The following PHACTR1 variants were observed in gnomAD, a reference collection of about 807,000 sequenced individuals.
The protein encoded by PHACTR1 is phosphatase and actin regulator 1.
In PHACTR1, 16 loss-of-function variants were observed where a neutral mutation model predicts 69.2. That is an observed-to-expected ratio of 0.23 (90% CI 0.16 to 0.35). The LOEUF (loss-of-function observed/expected upper bound fraction) is 0.35. PHACTR1 is among the 10% of genes least tolerant of loss of function. The pLI is 1.00. For missense variants in PHACTR1, 510 were observed against 734.7 expected, an observed-to-expected ratio of 0.69 and a Z score of 3.54; for synonymous variants, 312 against 284.5, an observed-to-expected ratio of 1.10 and a Z score of -0.97.
At chr6:12,858,817 CA>C (rs1279332439) in intron 4 of PHACTR1, among the ~76,000 whole-genome samples, 1 of 151,864 alleles carries the variant, frequency 6.6e-6, no homozygotes, top group Non-Finnish European at 1.5e-5. Context: ...TACACACACA[CA>C]CACACACACC....
intron 4 of PHACTR1, among the ~76,000 whole-genome samples, chr6:12,999,135 G>C (rs1797784716): frequency 6.6e-6 from 1 of 152,182 alleles, no homozygotes; most frequent in African/African-American, 2.4e-5. Context: ...GTACAAAAGA[G>C]AATTGATTAG....
chr6:13,282,079 G>A (rs939547857), intron 12 of PHACTR1, among the ~76,000 whole-genome samples: 2 of 152,186 alleles, frequency 1.3e-5, no homozygotes, highest in African/African-American at 2.4e-5. Context: ...GAACATTCTC[G>A]CACTAGCCAC....
Position 12,762,290 on chromosome 6 carries a change from A to G in PHACTR1, c.250+12500A>G, listed in dbSNP as rs1181874949. Among the ~76,000 whole-genome samples, 4 of 152,214 alleles carry G rather than the reference A, an allele frequency of 2.6e-5. No individual in the cohort carries two copies. In the East Asian group the frequency reaches 5.8e-4, roughly 22 times the overall value. On this transcript the variant is annotated intron_variant, in intron 4 of 14. Coordinates refer to ENST00000332995, the MANE Select transcript of PHACTR1 (RefSeq NM_030948.6). ...TGAATTTTATTAATTAAAAAAAGCAACATGTTTCAGCCAATTGTCTGGGGC... is the reference window on the plus strand; with the variant it reads ...TGAATTTTATTAATTAAAAAAAGCAGCATGTTTCAGCCAATTGTCTGGGGC...
At chr6:13,207,311 A>T (rs975727293) in intron 8 of PHACTR1, among the ~76,000 whole-genome samples, 1 of 152,194 alleles carries the variant, frequency 6.6e-6, no homozygotes, top group African/African-American at 2.4e-5. Context: ...TTGGAGGGAA[A>T]CAAGAGGGCT....
At chr6:12,941,808 C>T (rs1033845355) in intron 4 of PHACTR1, among the ~76,000 whole-genome samples, 11 of 152,260 alleles carry the variant, frequency 7.2e-5, no homozygotes, top group South Asian at 2.1e-4. Context: ...ATGTTTGTAA[C>T]GCTGAAGGCT....
chr6:13,004,484 CGTT>C (rs1313510404), intron 4 of PHACTR1, among the ~76,000 whole-genome samples: 1 of 151,826 alleles, frequency 6.6e-6, no homozygotes, highest in Non-Finnish European at 1.5e-5. Flanking sequence ...TGTATTTTGT[CGTT>C]GTTATTGTTA....
In PHACTR1 at chr6:12,984,235, C is replaced by T. The variant is rs556110684; in HGVS notation, c.251-69130C>T. ...TGTTTCCTGACTTTTTAATGATCGC[C>T]ATTCTAACTGGTATGAGATGGTAAG... On this transcript the variant is annotated intron_variant, in intron 4 of 14. Transcript: ENST00000332995. Among the ~76,000 whole-genome samples, 64 of 152,306 alleles carry T rather than the reference C, an allele frequency of 4.2e-4. 2 individuals are homozygous for T. In the South Asian group the frequency reaches 0.013, roughly 31 times the overall value.
At chr6:12,854,774 C>G (rs966689537) in intron 4 of PHACTR1, among the ~76,000 whole-genome samples, 1 of 152,136 alleles carries the variant, frequency 6.6e-6, no homozygotes, top group Admixed American at 6.5e-5. Flanking sequence ...GACCAAGAAA[C>G]ATATGAAACA....
intron 5 of PHACTR1, among the ~76,000 whole-genome samples, chr6:13,115,681 A>C (rs1268439684): frequency 6.6e-6 from 1 of 152,142 alleles, no homozygotes. Context: ...CTTTAAACCC[A>C]GGCGTTTCCA....
At chr6:12,790,584 T>C (rs1371085110) in intron 4 of PHACTR1, among the ~76,000 whole-genome samples, 1 of 152,252 alleles carries the variant, frequency 6.6e-6, no homozygotes, top group Admixed American at 6.5e-5. Flanking sequence ...TTGTCTGTTT[T>C]GTTCAGTAAC....
chr6:13,093,776 G>C (rs1249843919), intron 5 of PHACTR1, among the ~76,000 whole-genome samples: 1 of 152,202 alleles, frequency 6.6e-6, no homozygotes, highest in South Asian at 2.1e-4. Context: ...CTAAACACTA[G>C]GAGTGAAAGT....
chr6:12,849,376 G>C (rs1779609857), intron 4 of PHACTR1, among the ~76,000 whole-genome samples: 1 of 152,152 alleles, frequency 6.6e-6, no homozygotes, highest in Admixed American at 6.5e-5. Flanking sequence ...AGGAAGAGAA[G>C]GTACCCTATG....
chr6:13,153,839 A>G (rs1237184109), intron 5 of PHACTR1, among the ~76,000 whole-genome samples: 1 of 152,190 alleles, frequency 6.6e-6, no homozygotes, highest in African/African-American at 2.4e-5. Flanking sequence ...TTTATATGCT[A>G]TATTTCTAAT....
intron 5 of PHACTR1, among the ~76,000 whole-genome samples, chr6:13,093,081 C>T (rs567179836): frequency 3.3e-5 from 5 of 152,184 alleles, no homozygotes; most frequent in Admixed American, 6.5e-5. Flanking sequence ...TCAGTCCAAG[C>T]GTGATTTGCA....
chr6:13,190,902 G>A (rs1446774635), intron 7 of PHACTR1, among the ~76,000 whole-genome samples: 1 of 152,096 alleles, frequency 6.6e-6, no homozygotes, highest in Non-Finnish European at 1.5e-5. Flanking sequence ...CATGACCTGT[G>A]TTATTTTCAG....
At chr6:12,845,534 T>C (rs1779177479) in intron 4 of PHACTR1, among the ~76,000 whole-genome samples, 1 of 150,598 alleles carries the variant, frequency 6.6e-6, no homozygotes. Context: ...CCCTCAGGGA[T>C]TACTGTTTCT....
Position 12,839,652 on chromosome 6 carries a change from T to C in PHACTR1, c.250+89862T>C, listed in dbSNP as rs141479817. ...ACTTGATTCCAAAGTCTGATGCAGT[T>C]AACAGAAACAGGATACTGGTCACCA... On this transcript the variant is annotated intron_variant, in intron 4 of 14. Coordinates refer to ENST00000332995, the MANE Select transcript of PHACTR1 (RefSeq NM_030948.6). 2.1e-3 allele frequency among the ~76,000 whole-genome samples: 319 copies of C among 152,282 alleles called. 3 individuals are homozygous for C. The highest frequency in any genetic ancestry group is 7.2e-3 in the African/African-American group (300 of 41,562).
At chr6:12,900,224 G>A (rs563709014) in intron 4 of PHACTR1, among the ~76,000 whole-genome samples, 93 of 151,868 alleles carry the variant, frequency 6.1e-4, no homozygotes, top group African/African-American at 2.2e-3. Context: ...TTTTTAACTT[G>A]TCTGAATCCC....
chr6:13,274,531 T>C (rs772043305), intron 11 of PHACTR1: 2 of 152,230 alleles, frequency 1.3e-5, no homozygotes, highest in Admixed American at 6.5e-5. Context: ...GCTGTACTTG[T>C]GGCCTCTGAC....
Sources: allele counts gnomAD v4.1 joint callset (sites outside exome capture counted in the v4.1 genomes callset), GRCh38; gene constraint gnomAD v4.1.1; transcripts MANE v1.5; gene names NCBI Gene and HGNC (gene_info 2026-07-23, HGNC 2026-07-21).